Variants in PRSS23 observed in about 807,000 individuals in gnomAD.
PRSS23 encodes protease, serine 23.
PRSS23 carries 25 observed loss-of-function variants against 34.7 expected under a neutral mutation model. That is an observed-to-expected ratio of 0.72 (90% confidence interval 0.53 to 1.01). PRSS23 has a LOEUF of 1.01. Ranked by LOEUF, PRSS23 falls within the 50% of genes least tolerant of loss-of-function variation. The pLI is 0.00. For missense variants in PRSS23, 445 were observed against 475.6 expected (o/e 0.94, Z 0.60); for synonymous variants, 176 against 186.6 (o/e 0.94, Z 0.46).
intron 2 of PRSS23, among the ~76,000 whole-genome samples, chr11:86,853,532 G>A (rs1306078160): frequency 6.6e-6 from 1 of 152,090 alleles, no homozygotes; most frequent in Non-Finnish European, 1.5e-5. Flanking sequence ...TAGGATTACA[G>A]GTGTGAGCCA....
At chr11:86,842,337 G>A (rs1431827564) in intron 2 of PRSS23, among the ~76,000 whole-genome samples, 1 of 152,154 alleles carries the variant, frequency 6.6e-6, no homozygotes, top group East Asian at 1.9e-4. Flanking sequence ...TACTGAATGG[G>A]CAACAACTGG....
chr11:86,913,174 G>T (rs1257746468), intron 2 of PRSS23, among the ~76,000 whole-genome samples: 2 of 150,322 alleles, frequency 1.3e-5, no homozygotes, highest in African/African-American at 4.9e-5. Flanking sequence ...AGCTGCTATA[G>T]TTACCCTGAA....
Position 86,951,922 on chromosome 11 carries a change from T to C in PRSS23, c.*637T>C, listed in dbSNP as rs2135041010. 1.2e-6 allele frequency: 2 copies of C among 1,613,610 alleles called. No individual in the cohort carries two copies. Among genetic ancestry groups the C allele is most frequent in the Non-Finnish European group, 1.7e-6 (2 of 1,179,630 alleles). ...CCTCTTCAAAATCACAGGATATCCT[T>C]TCCCGGCCTACAGTCAGCCTGACAA... On this transcript the variant is annotated 3_prime_UTR_variant, in exon 3 of 3. Coordinates refer to the PRSS23 transcript ENST00000533902.
At chr11:86,813,126 T>C (rs2135607359), downstream of PRSS23, among the ~76,000 whole-genome samples, 1 of 152,316 alleles carries the variant, frequency 6.6e-6, no homozygotes, top group South Asian at 2.1e-4. Flanking sequence ...CACCAGCTCT[T>C]CTACCCTCCT....
intron 1 of PRSS23, among the ~76,000 whole-genome samples, chr11:86,801,817 A>G (rs979260253): frequency 1.3e-5 from 2 of 152,178 alleles, no homozygotes; most frequent in Admixed American, 6.5e-5. Context: ...AGAAGCCACT[A>G]TGTTTATTTG....
chr11:86,931,316 A>T (rs1034112071), intron 2 of PRSS23, among the ~76,000 whole-genome samples: 5 of 152,238 alleles, frequency 3.3e-5, no homozygotes, highest in African/African-American at 1.2e-4. Context: ...TCATAGTAGC[A>T]AAAATGATGA....
chr11:86,891,840 C>T (rs1948843576), intron 2 of PRSS23, among the ~76,000 whole-genome samples: 1 of 152,108 alleles, frequency 6.6e-6, no homozygotes, highest in Non-Finnish European at 1.5e-5. Flanking sequence ...GGTAGTTCCT[C>T]CTGCGTTCAT....
intron 2 of PRSS23, among the ~76,000 whole-genome samples, chr11:86,917,382 G>C (rs906482461): frequency 6.6e-6 from 1 of 152,168 alleles, no homozygotes; most frequent in Non-Finnish European, 1.5e-5. Context: ...AAAAATTAAG[G>C]CAAACATAGG....
intron 2 of PRSS23, among the ~76,000 whole-genome samples, chr11:86,864,501 C>T (rs1021276841): frequency 6.6e-6 from 1 of 152,242 alleles, no homozygotes; most frequent in African/African-American, 2.4e-5. Flanking sequence ...CGACATCAGT[C>T]TCTCTGGAGC....
intron 2 of PRSS23, among the ~76,000 whole-genome samples, chr11:86,877,847 T>A (rs1304010272): frequency 2.5e-4 from 34 of 134,946 alleles, no homozygotes; most frequent in Non-Finnish European, 1.6e-4. Context: ...GATCAACTTT[T>A]TCATTTCTGC....
chr11:86,832,943 T>C (rs566981992), intron 2 of PRSS23: 12 of 361,358 alleles, frequency 3.3e-5, no homozygotes, highest in South Asian at 2.8e-4. Flanking sequence ...AATTTCCACA[T>C]CCTTGATGCA....
chr11:86,877,399 G>A (rs1050933357), intron 2 of PRSS23, among the ~76,000 whole-genome samples: 21 of 152,192 alleles, frequency 1.4e-4, no homozygotes, highest in African/African-American at 5.1e-4. Flanking sequence ...CTCCGTACAT[G>A]TCTCAAAAGC....
chr11:86,798,958 G>T (rs1364923066), upstream of PRSS23, among the ~76,000 whole-genome samples: 1 of 152,216 alleles, frequency 6.6e-6, no homozygotes, highest in Non-Finnish European at 1.5e-5. Context: ...GTCTTCCAAA[G>T]TGCTACGATT....
intron 2 of PRSS23, among the ~76,000 whole-genome samples, chr11:86,914,622 T>C (rs1279780241): frequency 6.6e-6 from 1 of 152,234 alleles, no homozygotes; most frequent in African/African-American, 2.4e-5. Context: ...CATCTGATTG[T>C]TCTTTCAAAA....
intron 2 of PRSS23, among the ~76,000 whole-genome samples, chr11:86,859,122 G>T (rs1382594703): frequency 6.6e-6 from 1 of 151,926 alleles, no homozygotes; most frequent in African/African-American, 2.4e-5. Flanking sequence ...TAATATCCAA[G>T]GGGGAAGAGG....
At chr11:86,896,449 C>T (rs540580488) in intron 2 of PRSS23, 1 of 151,958 alleles carries the variant, frequency 6.6e-6, no homozygotes, top group Non-Finnish European at 1.5e-5. Flanking sequence ...CCCAGTCATT[C>T]GTCTTTGTCA....
In PRSS23 at chr11:86,878,325, C is replaced by T. The variant is rs182264512; in HGVS notation, c.206+54732C>T. 4.4e-3 allele frequency among the ~76,000 whole-genome samples: 657 copies of T among 149,536 alleles called. 43 individuals are homozygous for T. The East Asian group carries it at 0.11, about 26-fold the overall frequency. Reference sequence around the variant, plus strand: ...CCACTGATGCCCAGCCGAAGCTGGACTGTACTGCTGCCATCTCGGCTCACT... The same window carrying T: ...CCACTGATGCCCAGCCGAAGCTGGATTGTACTGCTGCCATCTCGGCTCACT... On this transcript the variant is annotated intron_variant, in intron 2 of 2. Transcript: ENST00000533902.
intron 2 of PRSS23, among the ~76,000 whole-genome samples, chr11:86,922,764 C>T (rs1241650627): frequency 1.3e-5 from 2 of 152,196 alleles, no homozygotes; most frequent in African/African-American, 2.4e-5. Context: ...ATAATTTGTG[C>T]TTTCCAGAGC....
chr11:86,814,263 C>A (rs924393010), downstream of PRSS23, among the ~76,000 whole-genome samples: 1 of 151,958 alleles, frequency 6.6e-6, no homozygotes, highest in African/African-American at 2.4e-5. Flanking sequence ...GAAATAATAT[C>A]ATCTGGGGAG....
Sources: gnomAD v4.1 joint callset for allele counts (sites outside exome capture counted in the v4.1 genomes callset) on GRCh38, gnomAD v4.1.1 for gene constraint, MANE v1.5 for transcripts, NCBI Gene and HGNC (gene_info 2026-07-23, HGNC 2026-07-21) for gene names.